The following NRG1 variants were observed in gnomAD, a reference collection of about 807,000 sequenced individuals.
NRG1 encodes neuregulin 1.
NRG1 carries 18 observed loss-of-function variants against 63.8 expected under a neutral mutation model. The observed-to-expected ratio is 0.28, with a 90% CI of 0.19 to 0.42. The LOEUF (loss-of-function observed/expected upper bound fraction) is 0.42, where lower values mean the gene tolerates loss of function less well. Ranked by LOEUF, NRG1 falls within the 10% of genes least tolerant of loss-of-function variation. The pLI is 1.00. For synonymous variants in NRG1, 302 were observed against 301.3 expected, an observed-to-expected ratio of 1.00 and a Z score of -0.02; for missense variants, 762 against 814.7, an observed-to-expected ratio of 0.94 and a Z score of 0.79.
At chr8:32,091,414 A>G (rs995726835) in intron 1 of NRG1, among the ~76,000 whole-genome samples, 1 of 152,192 alleles carries the variant, frequency 6.6e-6, no homozygotes, top group African/African-American at 2.4e-5. Flanking sequence ...GCATTTCTGA[A>G]GTAATAATAA....
chr8:32,306,259 G>A (rs1423202655), intron 1 of NRG1, among the ~76,000 whole-genome samples: 1 of 152,172 alleles, frequency 6.6e-6, no homozygotes. Context: ...TGGAAAAGGT[G>A]CATTTAACGG....
intron 1 of NRG1, among the ~76,000 whole-genome samples, chr8:31,941,322 A>G (rs1225302878): frequency 6.6e-6 from 1 of 152,188 alleles, no homozygotes; most frequent in African/African-American, 2.4e-5. Context: ...ATAGACACAG[A>G]AAAACCATTT....
intron 5 of NRG1, among the ~76,000 whole-genome samples, chr8:32,671,128 CTTT>C (rs59521980): frequency 3.0e-5 from 4 of 134,308 alleles, no homozygotes; most frequent in African/African-American, 5.5e-5. Context: ...TGTTCTTATG[CTTT>C]TTTTTTTTTT....
intron 1 of NRG1, among the ~76,000 whole-genome samples, chr8:32,324,314 CAGG>C (rs1326890050): frequency 6.6e-6 from 1 of 152,156 alleles, no homozygotes; most frequent in Non-Finnish European, 1.5e-5. Context: ...CCAAATCGTG[CAGG>C]AGGAGAGGTA....
chr8:31,914,755 G>A (rs1386393492), intron 1 of NRG1, among the ~76,000 whole-genome samples: 1 of 151,296 alleles, frequency 6.6e-6, no homozygotes, highest in African/African-American at 2.4e-5. Flanking sequence ...TTTTTTTTCA[G>A]GATTTTCTTG....
chr8:32,708,635 G>A (rs2128976620), intron 5 of NRG1, among the ~76,000 whole-genome samples: 1 of 152,290 alleles, frequency 6.6e-6, no homozygotes, highest in Middle Eastern at 3.4e-3. Flanking sequence ...TTTCTAATAA[G>A]TGCAGGTAAA....
intron 1 of NRG1, among the ~76,000 whole-genome samples, chr8:32,492,369 T>C (rs2129494953): frequency 6.6e-6 from 1 of 152,186 alleles, no homozygotes; most frequent in East Asian, 1.9e-4. Context: ...TTCAGTTTTT[T>C]CCATGCACCA....
intron 1 of NRG1, among the ~76,000 whole-genome samples, chr8:32,133,076 T>A (rs1585539878): frequency 6.6e-6 from 1 of 152,110 alleles, no homozygotes; most frequent in East Asian, 1.9e-4. Flanking sequence ...TCATTGATGG[T>A]GTGTGATTTC....
intron 1 of NRG1, among the ~76,000 whole-genome samples, chr8:32,096,883 A>G (rs1829967484): frequency 6.6e-6 from 1 of 152,196 alleles, no homozygotes; most frequent in African/African-American, 2.4e-5. Flanking sequence ...TATAGAGGCA[A>G]ACATCCAAAC....
intron 1 of NRG1, among the ~76,000 whole-genome samples, chr8:32,228,587 C>T (rs893135591): frequency 6.6e-6 from 1 of 152,046 alleles, no homozygotes; most frequent in Non-Finnish European, 1.5e-5. Context: ...ATACAGAACA[C>T]CTGATTTTTC....
chr8:32,764,288 TGCCTTCCGCCTG>T, exon 12 of NRG1: 2 of 1,614,062 alleles, frequency 1.2e-6, no homozygotes, highest in Non-Finnish European at 1.7e-6. Flanking sequence ...AGGCAACACC[TGCCTTCCGCCTG>T]GCTGACAGCA....
intron 5 of NRG1, among the ~76,000 whole-genome samples, chr8:32,666,338 C>T (rs1261062476): frequency 6.6e-6 from 1 of 152,076 alleles, no homozygotes; most frequent in Non-Finnish European, 1.5e-5. Context: ...TGAGGCCCTC[C>T]TTGTAGAAGA....
At chr8:32,753,507 A>T (rs904347723) in intron 7 of NRG1, among the ~76,000 whole-genome samples, 3 of 152,216 alleles carry the variant, frequency 2.0e-5, no homozygotes, top group African/African-American at 7.2e-5. Context: ...CAACGTAGGA[A>T]TGTGCACTCT....
intron 1 of NRG1, among the ~76,000 whole-genome samples, chr8:32,046,948 C>G (rs1186292745): frequency 6.6e-6 from 1 of 152,018 alleles, no homozygotes. Context: ...AGAAAAAAGT[C>G]TTCCCAATGC....
At chr8:32,108,129 G>A (rs543838317) in intron 1 of NRG1, among the ~76,000 whole-genome samples, 8 of 152,204 alleles carry the variant, frequency 5.3e-5, no homozygotes, top group African/African-American at 1.9e-4. Context: ...GCAGAACCAT[G>A]ACCCTCCTCA....
At chr8:31,690,325 G>A (rs1366492747) in intron 1 of NRG1, among the ~76,000 whole-genome samples, 3 of 152,166 alleles carry the variant, frequency 2.0e-5, no homozygotes, top group East Asian at 1.9e-4. Context: ...AGGAGTTTAA[G>A]GAGTTAGTCA....
At chr8:32,044,871 AATAAT>A in intron 1 of NRG1, among the ~76,000 whole-genome samples, 1 of 149,448 alleles carries the variant, frequency 6.7e-6, no homozygotes, top group East Asian at 2.0e-4. Context: ...TTCTCAAATC[AATAAT>A]ATAAGCAGCC....
intron 1 of NRG1, among the ~76,000 whole-genome samples, chr8:31,954,618 A>G (rs891859392): frequency 6.6e-6 from 1 of 152,160 alleles, no homozygotes; most frequent in Non-Finnish European, 1.5e-5. Context: ...TTTTAATTAT[A>G]TTTTGGTGCC....
chr8:32,267,767 C>G (rs1396907570), intron 1 of NRG1, among the ~76,000 whole-genome samples: 2 of 152,172 alleles, frequency 1.3e-5, no homozygotes, highest in Admixed American at 6.5e-5. Context: ...TAAAATGGAG[C>G]TGATGTTCAT....
Sources: allele counts gnomAD v4.1 joint callset (sites outside exome capture counted in the v4.1 genomes callset), GRCh38; gene constraint gnomAD v4.1.1; transcripts MANE v1.5; gene names NCBI Gene and HGNC (gene_info 2026-07-23, HGNC 2026-07-21).